PTPRR: variants seen among roughly 807,000 people sequenced by gnomAD.
The protein encoded by PTPRR is protein tyrosine phosphatase receptor type R, also known as receptor-type tyrosine-protein phosphatase R.
In PTPRR, 38 loss-of-function variants were observed where a neutral mutation model predicts 77.2. The ratio of observed to expected loss-of-function variants is 0.49; its 90% CI spans 0.38 to 0.65. PTPRR has a LOEUF of 0.65. PTPRR is among the 30% of genes least tolerant of loss of function. The pLI is 0.00. For synonymous variants in PTPRR, 299 were observed against 283.1 expected (o/e 1.06, Z -0.57); for missense variants, 744 against 799.2 (o/e 0.93, Z 0.83).
intron 2 of PTPRR, among the ~76,000 whole-genome samples, chr12:70,851,729 C>G (rs747752018): frequency 1.3e-5 from 2 of 152,098 alleles, no homozygotes; most frequent in Admixed American, 6.6e-5. Context: ...TTCTATATGA[C>G]TCTAATAAAA....
At chr12:70,842,064 C>T (rs1195629822) in intron 2 of PTPRR, among the ~76,000 whole-genome samples, 1 of 152,114 alleles carries the variant, frequency 6.6e-6, no homozygotes, top group African/African-American at 2.4e-5. Context: ...AGCCATATTT[C>T]CTCTTAAAAA....
chr12:70,848,022 A>C (rs1892513339), intron 2 of PTPRR, among the ~76,000 whole-genome samples: 1 of 152,174 alleles, frequency 6.6e-6, no homozygotes, highest in South Asian at 2.1e-4. Flanking sequence ...ATAATAATCT[A>C]CTATTGCCTA....
In PTPRR at chr12:70,741,019, G is replaced by A. The variant is rs141558960; in HGVS notation, c.1007+4799C>T. ...AACTCTTCATTATGCCATCTTGGCA[G>A]GGAATTGTGGTAGAAAAATGGGAGT... On this transcript the variant is annotated intron_variant, in intron 6 of 13. Coordinates refer to ENST00000283228, the MANE Select transcript of PTPRR (RefSeq NM_002849.4). 5.3e-5 allele frequency among the ~76,000 whole-genome samples: 8 copies of A among 152,298 alleles called. No homozygotes were observed. The East Asian group carries it at 1.5e-3, about 29-fold the overall frequency.
At chr12:70,739,259 C>T (rs2136910085) in intron 6 of PTPRR, among the ~76,000 whole-genome samples, 1 of 152,216 alleles carries the variant, frequency 6.6e-6, no homozygotes, top group South Asian at 2.1e-4. Context: ...TTTCCTTTTC[C>T]TTCTCAAAGA....
At chr12:70,644,730 GGAGT>G (rs1337784867) in intron 13 of PTPRR, among the ~76,000 whole-genome samples, 3 of 152,160 alleles carry the variant, frequency 2.0e-5, no homozygotes, top group African/African-American at 7.2e-5. Context: ...AGGAGGCTCT[GGAGT>G]GAGGCCCCCA....
intron 6 of PTPRR, among the ~76,000 whole-genome samples, chr12:70,705,097 A>G (rs1400755252): frequency 6.6e-6 from 1 of 152,164 alleles, no homozygotes; most frequent in African/African-American, 2.4e-5. Flanking sequence ...TGCAATAAAC[A>G]GCATGCTAAT....
In PTPRR at chr12:70,639,153, G is replaced by A. The variant is rs1311128491; in HGVS notation, c.*31C>T. 6.3e-7 allele frequency: 1 copy of A among 1,584,964 alleles called. No individual in the cohort carries two copies. Among genetic ancestry groups the A allele is most frequent in the South Asian group, 1.1e-5 (1 of 90,308 alleles). On this transcript the variant is annotated 3_prime_UTR_variant, in exon 14 of 14. Coordinates refer to ENST00000283228, the MANE Select transcript of PTPRR (RefSeq NM_002849.4). ...TGGGTAATTTGATTAATCACCCCAA[G>A]AGATTGATGGTCTGACAAGTCTTCA...
chr12:70,864,886 A>G (rs1892814882), intron 2 of PTPRR, among the ~76,000 whole-genome samples: 2 of 152,250 alleles, frequency 1.3e-5, no homozygotes, highest in South Asian at 4.1e-4. Flanking sequence ...ATCTCCACTC[A>G]CTGCAACCTC....
At chr12:70,672,201 A>C in intron 10 of PTPRR, 1 of 1,568,680 alleles carries the variant, frequency 6.4e-7, no homozygotes, top group South Asian at 1.1e-5. Flanking sequence ...CCATGGTTGG[A>C]AGTGACCTCC....
chr12:70,754,517 G>T, intron 4 of PTPRR: 1 of 1,580,008 alleles, frequency 6.3e-7, no homozygotes, highest in African/African-American at 1.4e-5. Flanking sequence ...AGGAGCAAGC[G>T]TGCCTGACAT....
intron 2 of PTPRR, among the ~76,000 whole-genome samples, chr12:70,885,054 T>C (rs1472683180): frequency 6.6e-6 from 1 of 152,054 alleles, no homozygotes; most frequent in African/African-American, 2.4e-5. Context: ...ACTTAAGATT[T>C]AAGGTCTAAG....
chr12:70,694,726 G>A (rs1441600957), intron 8 of PTPRR, among the ~76,000 whole-genome samples: 1 of 152,088 alleles, frequency 6.6e-6, no homozygotes, highest in Non-Finnish European at 1.5e-5. Context: ...TGGGTGTCAT[G>A]CCGTCAGAAG....
chr12:70,723,653 T>C (rs1889336952), intron 6 of PTPRR, among the ~76,000 whole-genome samples: 1 of 152,134 alleles, frequency 6.6e-6, no homozygotes, highest in Non-Finnish European at 1.5e-5. Context: ...ACTTTCAAAA[T>C]GTGGGATTAT....
chr12:70,664,627 C>T (rs922256023), intron 10 of PTPRR: 1 of 152,216 alleles, frequency 6.6e-6, no homozygotes, highest in Non-Finnish European at 1.5e-5. Context: ...ACTCTTAATA[C>T]TTGCACAGGC....
rs1491177176 is a variant in PTPRR, at chr12:70,682,061, T to TC, written c.1497+2065_1497+2066insG. ...TTTTTTTTTTTTTTTTTTTTTTTTT[T>TC]GAGACGGAGTCTCGCTCTGTCGCCC... On this transcript the variant is annotated intron_variant, in intron 10 of 13. Coordinates refer to ENST00000283228, the MANE Select transcript of PTPRR (RefSeq NM_002849.4). Among the ~76,000 whole-genome samples the TC allele has an allele frequency of 1.9e-3, 177 of 90,952 alleles. 4 individuals carry two copies. The highest frequency in any genetic ancestry group is 5.4e-3 in the African/African-American group (164 of 30,308). 59.7% of individuals were successfully genotyped at this position (90,952 alleles called of 152,430 possible).
At chr12:70,737,482 A>G (rs1022248788) in intron 6 of PTPRR, among the ~76,000 whole-genome samples, 12 of 127,132 alleles carry the variant, frequency 9.4e-5, no homozygotes, top group African/African-American at 4.2e-4. Context: ...GGTCTATTTA[A>G]TGAATATCTA....
At chr12:70,652,906 A>T (rs1022289231) in intron 13 of PTPRR, among the ~76,000 whole-genome samples, 1 of 152,108 alleles carries the variant, frequency 6.6e-6, no homozygotes, top group South Asian at 2.1e-4. Flanking sequence ...GAGGTGGGAG[A>T]TGGGAGGGTG....
chr12:70,836,603 A>C (rs1212727018), intron 2 of PTPRR, among the ~76,000 whole-genome samples: 1 of 151,822 alleles, frequency 6.6e-6, no homozygotes, highest in African/African-American at 2.4e-5. Flanking sequence ...ACTATGTTCA[A>C]CTCACACTGA....
At chr12:70,718,432 A>AT (rs1433545107) in intron 6 of PTPRR, among the ~76,000 whole-genome samples, 1 of 151,924 alleles carries the variant, frequency 6.6e-6, no homozygotes, top group Non-Finnish European at 1.5e-5. Context: ...TGCTCAGCTA[A>AT]TTTTTTGTAT....
Sources: gnomAD v4.1 joint callset for allele counts (sites outside exome capture counted in the v4.1 genomes callset) on GRCh38, gnomAD v4.1.1 for gene constraint, MANE v1.5 for transcripts, NCBI Gene and HGNC (gene_info 2026-07-23, HGNC 2026-07-21) for gene names.